The following GPM6A variants were observed in gnomAD, a reference collection of about 807,000 sequenced individuals.
GPM6A encodes glycoprotein M6A.
Under a neutral mutation model 32.1 loss-of-function variants are expected in GPM6A, and 7 were observed. That is an observed-to-expected ratio of 0.22 (90% CI 0.12 to 0.41). The LOEUF (loss-of-function observed/expected upper bound fraction) is 0.41. GPM6A is among the 10% of genes least tolerant of loss of function. The probability of loss-of-function intolerance (pLI) is 1.00; values close to 1 mark genes in which losing one functional copy is unlikely to be tolerated. For synonymous variants in GPM6A, 130 were observed against 123.4 expected, an observed-to-expected ratio of 1.05 and a Z score of -0.35; for missense variants, 235 against 347.2, an observed-to-expected ratio of 0.68 and a Z score of 2.57.
intron 1 of GPM6A, among the ~76,000 whole-genome samples, chr4:175,722,856 CA>C: frequency 6.7e-6 from 1 of 149,402 alleles, no homozygotes; most frequent in Admixed American, 6.8e-5. Context: ...CCTGTCTGGC[CA>C]ACATGGCAAA....
intron 2 of GPM6A, among the ~76,000 whole-genome samples, chr4:175,683,585 A>T (rs979197322): frequency 6.6e-6 from 1 of 151,924 alleles, no homozygotes; most frequent in Non-Finnish European, 1.5e-5. Flanking sequence ...GCCTGATGGG[A>T]GGCATTTGGG....
chr4:175,635,228 C>T (rs534488333), intron 6 of GPM6A, among the ~76,000 whole-genome samples, 171 bp from the exon 7 acceptor site: 10 of 152,066 alleles, frequency 6.6e-5, no homozygotes, highest in African/African-American at 9.7e-5. Flanking sequence ...ATTTTCATTC[C>T]TCCAACTATA....
chr4:175,662,168 A>G (rs1282984279), intron 3 of GPM6A, among the ~76,000 whole-genome samples: 1 of 152,196 alleles, frequency 6.6e-6, no homozygotes, highest in Non-Finnish European at 1.5e-5. Context: ...AATATATGCC[A>G]CAGTGTGATT....
chr4:175,680,693 T>C (rs1579377501), intron 2 of GPM6A, among the ~76,000 whole-genome samples: 1 of 152,222 alleles, frequency 6.6e-6, no homozygotes, highest in East Asian at 1.9e-4. Flanking sequence ...GCAAGACTTT[T>C]CTATCCTGTC....
intron 1 of GPM6A, among the ~76,000 whole-genome samples, chr4:175,878,621 G>C (rs1341552144): frequency 6.6e-6 from 1 of 152,074 alleles, no homozygotes; most frequent in Admixed American, 6.6e-5. Context: ...TCCTGGGCCT[G>C]GCTCAAAAGA....
At chr4:175,900,609 A>T (rs1737933168) in intron 1 of GPM6A, among the ~76,000 whole-genome samples, 1 of 152,162 alleles carries the variant, frequency 6.6e-6, no homozygotes, top group Non-Finnish European at 1.5e-5. Flanking sequence ...TTTATCCAAA[A>T]GATAGGCAAT....
At chr4:175,761,176 C>A (rs985878891) in intron 1 of GPM6A, among the ~76,000 whole-genome samples, 1 of 152,150 alleles carries the variant, frequency 6.6e-6, no homozygotes, top group Non-Finnish European at 1.5e-5. Context: ...ATGGATCTTG[C>A]TCTGTCTCCC....
At chr4:175,882,458 T>C (rs1355248232) in intron 1 of GPM6A, among the ~76,000 whole-genome samples, 2 of 152,002 alleles carry the variant, frequency 1.3e-5, no homozygotes, top group Non-Finnish European at 2.9e-5. Flanking sequence ...AAATCATCTT[T>C]TTTGTACTAT....
intron 1 of GPM6A, among the ~76,000 whole-genome samples, chr4:175,727,019 A>C (rs1731194474): frequency 6.6e-6 from 1 of 152,102 alleles, no homozygotes; most frequent in African/African-American, 2.4e-5. Context: ...ATAAAACTTA[A>C]AATTTTCTAG....
chr4:175,767,366 A>G (rs1349165353), intron 1 of GPM6A, among the ~76,000 whole-genome samples: 4 of 152,192 alleles, frequency 2.6e-5, no homozygotes, highest in African/African-American at 7.2e-5. Flanking sequence ...TGATTTCTCT[A>G]TACATGAAAA....
In GPM6A at chr4:175,633,650, A is replaced by C. The variant is rs1560838497; in HGVS notation, c.*1255T>G. The C allele has an allele frequency of 2.0e-5, 3 of 152,354 alleles. No individual in the cohort carries two copies. Among genetic ancestry groups the C allele is most frequent in the South Asian group, 4.1e-4 (2 of 4,824 alleles). The allele number at this position is 152,354 out of a possible 1,614,324, so 9.4% of individuals were successfully genotyped here. ...AGCGTCAAGGTGAAAACAAACACCA[A>C]ATTTGGTCCAATAATACTGATTGCT... On this transcript the variant is annotated 3_prime_UTR_variant, in exon 7 of 7. Coordinates refer to ENST00000393658, the MANE Select transcript of GPM6A (RefSeq NM_201591.3).
At chr4:175,728,422 A>G (rs1004413849) in intron 1 of GPM6A, among the ~76,000 whole-genome samples, 11 of 152,172 alleles carry the variant, frequency 7.2e-5, no homozygotes, top group African/African-American at 1.9e-4. Flanking sequence ...GCCGGAGTAC[A>G]TGATTTTGTT....
In GPM6A at chr4:175,911,140, A is replaced by G. The variant is rs557663877; in HGVS notation, c.-23+91169T>C. Reference sequence around the variant, plus strand: ...CTTAGATTTCTCAGGTGTCTTAGACACCAGTCTATCCAGCCCTCCAAATGA... The same window carrying G: ...CTTAGATTTCTCAGGTGTCTTAGACGCCAGTCTATCCAGCCCTCCAAATGA... On this transcript the variant is annotated intron_variant, in intron 1 of 7. Transcript: ENST00000280187. Among the ~76,000 whole-genome samples the G allele has an allele frequency of 1.9e-3, 285 of 152,278 alleles. 1 individual carries two copies. The highest frequency in any genetic ancestry group is 3.2e-3 in the Non-Finnish European group (215 of 68,020).
rs9312581 is a variant in GPM6A, at chr4:175,671,924, A to T, written c.387+1756T>A. Among the ~76,000 whole-genome samples, 479 of 125,642 alleles carry T rather than the reference A, an allele frequency of 3.8e-3. 2 individuals are homozygous for T. The highest frequency in any genetic ancestry group is 6.7e-3 in the Non-Finnish European group (363 of 54,488). The allele number at this position is 125,642 out of a possible 152,430, so 82.4% of individuals were successfully genotyped here. On this transcript the variant is annotated intron_variant, in intron 3 of 6. Coordinates refer to ENST00000393658, the MANE Select transcript of GPM6A (RefSeq NM_201591.3). ...TTGCCTCTGGAGGAGCCCACGCAGC[A>T]GCTGCTGCCACCCTTCTGGTCTGTT...
chr4:175,976,352 G>A (rs551803555), intron 1 of GPM6A, among the ~76,000 whole-genome samples: 2 of 110,406 alleles, frequency 1.8e-5, no homozygotes, highest in African/African-American at 5.1e-5. Flanking sequence ...ATTTTTAGTA[G>A]AGACGGGATT....
At chr4:175,959,862 ATC>A (rs1161596256) in intron 1 of GPM6A, among the ~76,000 whole-genome samples, 1 of 152,214 alleles carries the variant, frequency 6.6e-6, no homozygotes, top group East Asian at 1.9e-4. Context: ...GAGTCTGAGT[ATC>A]TGTTCTCTTT....
intron 1 of GPM6A, among the ~76,000 whole-genome samples, chr4:175,972,641 T>G (rs1174079811): frequency 6.6e-6 from 1 of 152,230 alleles, no homozygotes; most frequent in Non-Finnish European, 1.5e-5. Flanking sequence ...ACATTCTTTG[T>G]TAACACAGAG....
At chr4:175,713,271 T>C (rs1745653935) in intron 1 of GPM6A, among the ~76,000 whole-genome samples, 1 of 152,144 alleles carries the variant, frequency 6.6e-6, no homozygotes, top group Non-Finnish European at 1.5e-5. Flanking sequence ...GGCAGGATCT[T>C]GGCTCACTGC....
At chr4:175,982,632 C>G (rs914754071) in intron 1 of GPM6A, among the ~76,000 whole-genome samples, 6 of 152,248 alleles carry the variant, frequency 3.9e-5, no homozygotes, top group Admixed American at 2.0e-4. Context: ...CAATGCCACA[C>G]AGTTTTGATT....
Sources: allele counts gnomAD v4.1 joint callset (sites outside exome capture counted in the v4.1 genomes callset), GRCh38; gene constraint gnomAD v4.1.1; transcripts MANE v1.5; gene names NCBI Gene and HGNC (gene_info 2026-07-23, HGNC 2026-07-21).